The following ZNF782 variants were observed in gnomAD, a reference collection of about 807,000 sequenced individuals.
The protein encoded by ZNF782 is zinc finger protein 782.
ZNF782 carries 12 observed loss-of-function variants against 13.0 expected under a neutral mutation model. The ratio of observed to expected loss-of-function variants is 0.92; its 90% confidence interval spans 0.59 to 1.50. ZNF782 has a LOEUF of 1.50. Ranked by LOEUF, ZNF782 falls within the 40% of genes most tolerant of loss-of-function variation. The pLI, the probability that ZNF782 is intolerant of heterozygous loss-of-function variation, is 0.00. For synonymous variants in ZNF782, 284 were observed against 283.0 expected, an observed-to-expected ratio of 1.00 and a Z score of -0.04; for missense variants, 770 against 822.9, an observed-to-expected ratio of 0.94 and a Z score of 0.79.
the ZNF782 span, among the ~76,000 whole-genome samples, chr9:96,911,010 A>G: frequency 4.0e-4 from 58 of 146,624 alleles, no homozygotes; most frequent in Non-Finnish European, 3.8e-4. Context: ...ATTTTTGTAC[A>G]TATTGTTAGG....
At chr9:96,887,335 A>ACGG in the ZNF782 span, 2 of 137,618 alleles carry the variant, frequency 1.5e-5, no homozygotes, top group African/African-American at 5.7e-5. Flanking sequence ...GGAAGGAAGG[A>ACGG]AGGAAGAAAG....
the ZNF782 span, among the ~76,000 whole-genome samples, chr9:96,918,261 C>T: frequency 8.0e-5 from 12 of 149,256 alleles, no homozygotes; most frequent in East Asian, 2.0e-3. Flanking sequence ...ATTAGCTGGG[C>T]GAGGTGGCCT....
chr9:96,919,872 C>G, the ZNF782 span, among the ~76,000 whole-genome samples: 1 of 151,208 alleles, frequency 6.6e-6, no homozygotes, highest in African/African-American at 2.4e-5. Context: ...AAATGAGTAA[C>G]TTTTAAGTGA....
chr9:96,930,545 AAAG>A, the ZNF782 span, among the ~76,000 whole-genome samples: 1 of 148,182 alleles, frequency 6.7e-6, no homozygotes, highest in Non-Finnish European at 1.5e-5. Flanking sequence ...AAAAGAAAAA[AAAG>A]AAAATCCCTA....
chr9:96,834,185 C>T (rs1850908032), intron 4 of ZNF782, among the ~76,000 whole-genome samples: 1 of 152,178 alleles, frequency 6.6e-6, no homozygotes, highest in South Asian at 2.1e-4. Flanking sequence ...TGGGACGGAC[C>T]AGGTGGAGAA....
chr9:96,854,578 T>C (rs1331272988), upstream of ZNF782: 1 of 152,292 alleles, frequency 6.6e-6, no homozygotes, highest in Non-Finnish European at 1.5e-5. Context: ...CGAACCAGAC[T>C]CATTCAGGAC....
At chr9:96,827,273 T>C in intron 4 of ZNF782, 92 bp from the exon 5 acceptor site, 1 of 818,078 alleles carries the variant, frequency 1.2e-6, no homozygotes, top group South Asian at 1.9e-5. Context: ...AAGGGGCATA[T>C]TCAGGGTGCT....
At chr9:96,828,520 T>C (rs1197664994) in intron 4 of ZNF782, among the ~76,000 whole-genome samples, 1 of 152,086 alleles carries the variant, frequency 6.6e-6, no homozygotes, top group Non-Finnish European at 1.5e-5. Flanking sequence ...GAAAAATCAA[T>C]CAGTAACAAC....
intron 4 of ZNF782, among the ~76,000 whole-genome samples, chr9:96,827,632 A>G (rs924671665): frequency 6.6e-6 from 1 of 152,186 alleles, no homozygotes; most frequent in South Asian, 2.1e-4. Context: ...ATAAATGATC[A>G]ATCTCCTTGA....
rs553594057 is a variant in ZNF782 at position 96,816,544 on chromosome 9, A to G, written c.*1379T>C. 2 of 152,178 alleles carry G rather than the reference A, an allele frequency of 1.3e-5. No homozygotes were observed. The highest frequency in any genetic ancestry group is 2.9e-5 in the Non-Finnish European group (2 of 68,028). The allele number at this position is 152,178 out of a possible 1,614,324, so 9.4% of individuals were successfully genotyped here. On this transcript the variant is annotated 3_prime_UTR_variant, in exon 6 of 6. Transcript: ENST00000481138. ...ATAGTGAATGTCTTATATTTCATTA[A>G]AAGTTTTGATATTATATGTGAAACA...
At chr9:96,926,792 A>C in the ZNF782 span, among the ~76,000 whole-genome samples, 1 of 152,122 alleles carries the variant, frequency 6.6e-6, no homozygotes, top group Non-Finnish European at 1.5e-5. Context: ...TGCCTTCTTG[A>C]GTCCAAATGT....
chr9:96,826,083 T>A (rs187686591), intron 5 of ZNF782, among the ~76,000 whole-genome samples: 2 of 152,220 alleles, frequency 1.3e-5, no homozygotes, highest in African/African-American at 4.8e-5. Flanking sequence ...CATGCTGTTA[T>A]AAAGACACAT....
chr9:96,896,372 C>T, the ZNF782 span, among the ~76,000 whole-genome samples: 1 of 152,170 alleles, frequency 6.6e-6, no homozygotes, highest in African/African-American at 2.4e-5. Context: ...ATCAATCGCA[C>T]TGGTCCATTA....
At chr9:96,869,383 C>T (rs1851798225) in intron 1 of ZNF782, among the ~76,000 whole-genome samples, 1 of 152,138 alleles carries the variant, frequency 6.6e-6, no homozygotes, top group Non-Finnish European at 1.5e-5. Flanking sequence ...TTCCTAATAT[C>T]TACATATATA....
chr9:96,842,649 A>G (rs897785371), intron 4 of ZNF782, among the ~76,000 whole-genome samples: 1 of 152,124 alleles, frequency 6.6e-6, no homozygotes, highest in Non-Finnish European at 1.5e-5. Flanking sequence ...TGGTCCAAAG[A>G]CTTAGTGAAG....
At chr9:96,871,248 T>C (rs550733988) in intron 1 of ZNF782, among the ~76,000 whole-genome samples, 1 of 152,298 alleles carries the variant, frequency 6.6e-6, no homozygotes, top group African/African-American at 2.4e-5. Flanking sequence ...GCTATAAACC[T>C]TTACAAAATA....
chr9:96,836,190 A>C (rs1287986618), intron 4 of ZNF782, among the ~76,000 whole-genome samples: 3 of 148,580 alleles, frequency 2.0e-5, no homozygotes, highest in African/African-American at 7.4e-5. Flanking sequence ...CTATTCCACC[A>C]TTGTATCTTG....
chr9:96,922,608 T>C, the ZNF782 span, among the ~76,000 whole-genome samples: 10 of 152,268 alleles, frequency 6.6e-5, no homozygotes, highest in African/African-American at 2.4e-4. Context: ...TCGTCTCTAC[T>C]AAAAAAATCC....
At chr9:96,882,398 T>C in the ZNF782 span, among the ~76,000 whole-genome samples, 1 of 152,308 alleles carries the variant, frequency 6.6e-6, no homozygotes, top group Middle Eastern at 3.4e-3. Context: ...ATATGATAAA[T>C]TCCTTTTAAG....
Sources: allele counts gnomAD v4.1 joint callset (sites outside exome capture counted in the v4.1 genomes callset), GRCh38; gene constraint gnomAD v4.1.1; transcripts MANE v1.5; gene names NCBI Gene and HGNC (gene_info 2026-07-23, HGNC 2026-07-21).